Variants in ZNF345 observed in about 807,000 individuals in gnomAD.
The protein encoded by ZNF345 is zinc finger protein 345, also known as zinc finger protein HZF10.
For missense variants in ZNF345, 527 were observed against 589.9 expected (o/e 0.89, Z 1.10); for synonymous variants, 166 against 187.9 (o/e 0.88, Z 0.95).
downstream of ZNF345, among the ~76,000 whole-genome samples, chr19:36,880,308 C>G (rs2072960795): frequency 1.3e-5 from 2 of 152,040 alleles, no homozygotes; most frequent in South Asian, 4.1e-4. Flanking sequence ...GAGCAAGGCT[C>G]TGTCTCAGAA....
At position 36,878,408 on chromosome 19, in the gene ZNF345, T is replaced by A; in HGVS notation, c.*111T>A. ...AAATGCCTTACTTATGCTTCACAGG[T>A]TAGTCAGTCTAAGAATATTTATACA... On this transcript the variant is annotated 3_prime_UTR_variant, in exon 3 of 3. Transcript: ENST00000420450. The A allele has an allele frequency of 9.9e-7, 1 of 1,006,676 alleles. No individual in the cohort carries two copies. The highest frequency in any genetic ancestry group is 1.4e-6 in the Non-Finnish European group (1 of 700,490). 62.4% of individuals were successfully genotyped at this position (1,006,676 alleles called of 1,614,324 possible). A position where few individuals can be genotyped will look rare whatever the true frequency, so the allele number is the denominator to read the frequency against.
chr19:36,866,195 T>A (rs1332837207), intron 2 of ZNF345, among the ~76,000 whole-genome samples: 1 of 152,172 alleles, frequency 6.6e-6, no homozygotes, highest in Non-Finnish European at 1.5e-5. Flanking sequence ...TGAAAAATGT[T>A]CTTTCTGTTT....
rs186969622 is a variant in ZNF345 at position 36,877,062 on chromosome 19, G to A, written c.232G>A (p.Val78Ile). The A allele has an allele frequency of 2.7e-5, 43 of 1,613,836 alleles. 1 individual carries two copies. In the Admixed American group the frequency reaches 5.7e-4, roughly 21 times the overall value. ...GGATTTTAGTTTTGTATCAGTCCTT[G>A]TTCGACATCAGCGAATTCATACTGG... ...GKDFSFVSVLVRHQRIHTGEK... is the reference protein window; with the variant it reads ...GKDFSFVSVLIRHQRIHTGEK... Residue 78 changes from valine to isoleucine, a missense_variant, in exon 3 of 3, where the codon GTT (valine) becomes ATT (isoleucine). Physicochemically the swap from Val to Ile is conservative, Grantham distance 29. Transcript: ENST00000420450.
At chr19:36,888,693 T>G (rs189554662) in intron 3 of ZNF345, 1 of 152,286 alleles carries the variant, frequency 6.6e-6, no homozygotes, top group African/African-American at 2.4e-5. Flanking sequence ...TAAATAGGAT[T>G]TTTTTTGGTT....
At chr19:36,892,464 T>C in intron 3 of ZNF345, 2 of 1,567,186 alleles carry the variant, frequency 1.3e-6, no homozygotes, top group South Asian at 2.4e-5. Flanking sequence ...CACACATTGA[T>C]TCCAGATCTG....
chr19:36,860,232 C>G (rs2072518990), intron 2 of ZNF345, among the ~76,000 whole-genome samples: 1 of 152,228 alleles, frequency 6.6e-6, no homozygotes, highest in Admixed American at 6.5e-5. Context: ...GCTGGGATTA[C>G]AGGCATGAGC....
Position 36,891,308 on chromosome 19 carries a change from A to G in ZNF345, c.47-1510A>G, listed in dbSNP as rs751893736. ...AGTTTAGATTTCCAGGCTCTAAACT[A>G]TGAGAGAATAAATTTCTCTTGTTTT... On this transcript the variant is annotated intron_variant, in intron 3 of 3. Coordinates refer to the ZNF345 transcript ENST00000526123. 2.4e-5 allele frequency: 14 copies of G among 573,418 alleles called. No individual in the cohort carries two copies. The Admixed American group carries it at 2.6e-4, about 10-fold the overall frequency. 35.5% of individuals were successfully genotyped at this position (573,418 alleles called of 1,614,324 possible). A position where few individuals can be genotyped will look rare whatever the true frequency, so the allele number is the denominator to read the frequency against.
In ZNF345 at chr19:36,877,016, T is replaced by C. The variant is rs1190078813; in HGVS notation, c.186T>C (p.Leu62=). ...GAATTCATACTGATGAGAAACTCCT[T>C]GAATGTAAGGAATGTGGGAAGGATT... ...HQRIHTDEKL[L]ECKECGKDFS... The change falls in exon 3 of 3, where the codon CTT becomes CTC. Residue 62 remains leucine (L), a synonymous_variant. Transcript: ENST00000420450. 2 of 1,614,144 alleles carry C rather than the reference T, an allele frequency of 1.2e-6. No homozygotes were observed. The highest frequency in any genetic ancestry group is 1.7e-5 in the Admixed American group (1 of 60,024).
chr19:36,874,693 C>T (rs2072847183), intron 2 of ZNF345, among the ~76,000 whole-genome samples: 1 of 152,130 alleles, frequency 6.6e-6, no homozygotes, highest in South Asian at 2.1e-4. Context: ...GCAGGAGAAT[C>T]ACTTGAACCC....
downstream of ZNF345, among the ~76,000 whole-genome samples, chr19:36,880,892 A>G (rs534562905): frequency 9.0e-4 from 137 of 152,320 alleles, no homozygotes; most frequent in African/African-American, 3.2e-3. Context: ...AGGAAATTTT[A>G]TAGCTCTAAA....
At chr19:36,880,832 G>A (rs1481175206), downstream of ZNF345, among the ~76,000 whole-genome samples, 1 of 152,066 alleles carries the variant, frequency 6.6e-6, no homozygotes, top group Non-Finnish European at 1.5e-5. Flanking sequence ...TTAAATAAGT[G>A]GCACTGAATA....
intron 2 of ZNF345, among the ~76,000 whole-genome samples, chr19:36,856,220 C>A (rs1018436071): frequency 1.3e-5 from 2 of 152,124 alleles, no homozygotes; most frequent in Admixed American, 1.3e-4. Context: ...AAGTTTTGCT[C>A]CCTACCTACA....
In ZNF345 at chr19:36,878,155, C is replaced by G. The variant is rs1483485270; in HGVS notation, c.1325C>G (p.Thr442Ser). ...GKAFYSGSSL[T>S]QHQRIHTGEK... Reference sequence around the variant, plus strand: ...GCTTTTTATAGTGGCTCAAGCCTTACTCAGCATCAGAGAATTCATACAGGT... The same window carrying G: ...GCTTTTTATAGTGGCTCAAGCCTTAGTCAGCATCAGAGAATTCATACAGGT... Residue 442 changes from threonine (T) to serine (S), a missense_variant, in exon 3 of 3, where the codon ACT (threonine) becomes AGT (serine). Transcript: ENST00000420450. The G allele has an allele frequency of 6.2e-7, 1 of 1,614,088 alleles. No individual in the cohort carries two copies. Among genetic ancestry groups the G allele is most frequent in the Non-Finnish European group, 8.5e-7 (1 of 1,180,004 alleles).
chr19:36,865,456 T>TTTTA (rs954808416), intron 2 of ZNF345, among the ~76,000 whole-genome samples: 2 of 152,040 alleles, frequency 1.3e-5, no homozygotes, highest in African/African-American at 2.4e-5. Context: ...TTTTCAAAAT[T>TTTTA]TTTATTTATT....
At chr19:36,857,878 A>C (rs975650319) in intron 2 of ZNF345, among the ~76,000 whole-genome samples, 1 of 151,530 alleles carries the variant, frequency 6.6e-6, no homozygotes, top group Admixed American at 6.6e-5. Flanking sequence ...TCCTGGGTTC[A>C]AGCAATTCTG....
intron 2 of ZNF345, among the ~76,000 whole-genome samples, chr19:36,869,485 C>G (rs750464596): frequency 5.3e-5 from 8 of 152,180 alleles, no homozygotes. Flanking sequence ...GGCCACATGA[C>G]TGAACTCAGT....
At chr19:36,874,410 C>G (rs1026285238) in intron 2 of ZNF345, among the ~76,000 whole-genome samples, 1 of 151,002 alleles carries the variant, frequency 6.6e-6, no homozygotes, top group African/African-American at 2.4e-5. Flanking sequence ...AGGAGGACCA[C>G]TTGAACCTGG....
At chr19:36,866,903 C>T (rs2072672771) in intron 2 of ZNF345, among the ~76,000 whole-genome samples, 1 of 152,152 alleles carries the variant, frequency 6.6e-6, no homozygotes, top group South Asian at 2.1e-4. Context: ...ATTTAATAAC[C>T]TTTATGACTA....
chr19:36,853,245 C>CTTTTTTTTTTT (rs902150512), intron 2 of ZNF345, among the ~76,000 whole-genome samples: 4 of 106,532 alleles, frequency 3.8e-5, no homozygotes, highest in Admixed American at 9.7e-5. Context: ...TTCTTTCTTT[C>CTTTTTTTTTTT]TTTTTTTTTT....
Sources: allele counts gnomAD v4.1 joint callset (sites outside exome capture counted in the v4.1 genomes callset), GRCh38; gene constraint gnomAD v4.1.1; transcripts MANE v1.5; gene names NCBI Gene and HGNC (gene_info 2026-07-23, HGNC 2026-07-21).